The following C22orf23 variants were observed in gnomAD, a reference collection of about 807,000 sequenced individuals.
The protein encoded by C22orf23 is chromosome 22 open reading frame 23.
C22orf23 carries 30 observed loss-of-function variants against 29.7 expected under a neutral mutation model. The observed-to-expected ratio is 1.01, with a 90% CI of 0.76 to 1.37. The LOEUF is 1.37. Ranked by LOEUF, C22orf23 falls within the 40% of genes most tolerant of loss-of-function variation. The pLI, the probability that C22orf23 is intolerant of heterozygous loss-of-function variation, is 0.00. For missense variants in C22orf23, 237 were observed against 273.1 expected, an observed-to-expected ratio of 0.87 and a Z score of 0.93; for synonymous variants, 90 against 96.1, an observed-to-expected ratio of 0.94 and a Z score of 0.37.
intron 3 of C22orf23, among the ~76,000 whole-genome samples, chr22:37,949,057 C>A (rs371623916): frequency 6.6e-6 from 1 of 151,858 alleles, no homozygotes; most frequent in Non-Finnish European, 1.5e-5. Flanking sequence ...ATCTTTGTAC[C>A]GATGCTTTAA....
At position 37,953,189 on chromosome 22, in the gene C22orf23, CCT is replaced by C. The variant is rs780673950; in HGVS notation, c.-9-33_-9-32del. 2.4e-4 allele frequency: 348 copies of C among 1,436,032 alleles called. 1 individual carries two copies. The highest frequency in any genetic ancestry group is 8.8e-4 in the Middle Eastern group (5 of 5,672). The allele number at this position is 1,436,032 out of a possible 1,614,324, so 89.0% of individuals were successfully genotyped here. A position where few individuals can be genotyped will look rare whatever the true frequency, so the allele number is the denominator to read the frequency against. On this transcript the variant is annotated intron_variant, in intron 1 of 6. Transcript: ENST00000403305. ...GAGGGAAAGACGCAATGACACACCC[CCT>C]GTCTCCTGTCCCTAATCTCTGTTCC...
intron 2 of C22orf23, 25 bp downstream of exon 2, chr22:37,953,022 G>T: frequency 6.4e-7 from 1 of 1,571,116 alleles, no homozygotes; most frequent in Non-Finnish European, 8.7e-7. Context: ...CAAAAAGGCT[G>T]GGATCGCTGC....
chr22:37,944,730 G>A, intron 5 of C22orf23: 1 of 564,270 alleles, frequency 1.8e-6, no homozygotes, highest in Non-Finnish European at 3.1e-6. Context: ...GAAACCCCGT[G>A]TCTACTAAAA....
chr22:37,949,838 C>T (rs921673583), intron 3 of C22orf23, among the ~76,000 whole-genome samples: 25 of 151,974 alleles, frequency 1.6e-4, no homozygotes, highest in Non-Finnish European at 3.1e-4. Context: ...CAGGAGCGAG[C>T]GGTCAGAAGT....
In C22orf23 at chr22:37,953,464, G is replaced by A; in HGVS notation, c.-26C>T. 3.7e-6 allele frequency: 2 copies of A among 544,220 alleles called. No individual in the cohort carries two copies. The highest frequency in any genetic ancestry group is 6.5e-6 in the Non-Finnish European group (2 of 308,398). 33.7% of individuals were successfully genotyped at this position (544,220 alleles called of 1,614,324 possible). On this transcript the variant is annotated 5_prime_UTR_variant, in exon 1 of 7. Coordinates refer to ENST00000403305, the MANE Select transcript of C22orf23 (RefSeq NM_032561.5). ...AAATTTCACCCTAAGACCCTCTCTG[G>A]GTGCTCCCCTCTCCACATAGAAGTG...
At chr22:37,951,185 C>G in intron 3 of C22orf23, 1 of 277,210 alleles carries the variant, frequency 3.6e-6, no homozygotes. Flanking sequence ...GCACTCCAGC[C>G]TGGGCGACAG....
intron 4 of C22orf23, among the ~76,000 whole-genome samples, chr22:37,945,522 T>C (rs1256876991): frequency 6.8e-6 from 1 of 146,230 alleles, no homozygotes; most frequent in Non-Finnish European, 1.5e-5. Flanking sequence ...TGAGACAAGG[T>C]CTGACTCTGT....
rs368212266 is a variant in C22orf23, at chr22:37,947,472, C to A, written c.167-9G>T. ...GGGCAAAGCATCTCCTCCTGGGGAA[C>A]GAAGAGTTGGGGTGGGAGGACCCAC... On this transcript the variant is annotated splice_polypyrimidine_tract_variant and intron_variant, in intron 3 of 6. Transcript: ENST00000403305. The A allele has an allele frequency of 2.5e-5, 34 of 1,354,600 alleles. No individual in the cohort carries two copies. The highest frequency in any genetic ancestry group is 3.0e-5 in the Non-Finnish European group (31 of 1,023,622). 83.9% of individuals were successfully genotyped at this position (1,354,600 alleles called of 1,614,324 possible). A position where few individuals can be genotyped will look rare whatever the true frequency, so the allele number is the denominator to read the frequency against.
chr22:37,945,938 C>A (rs1182917185), intron 4 of C22orf23, among the ~76,000 whole-genome samples: 1 of 151,476 alleles, frequency 6.6e-6, no homozygotes, highest in African/African-American at 2.4e-5. Context: ...ATGGTGAAAC[C>A]CCATCTCTAC....
chr22:37,953,637 T>C, upstream of C22orf23: 2 of 926,684 alleles, frequency 2.2e-6, no homozygotes, highest in Non-Finnish European at 3.2e-6. Flanking sequence ...CATGCGCACT[T>C]TCCCCGCTCT....
Position 37,944,565 on chromosome 22 carries a change from CG to C in C22orf23, c.482-49del. ...AGGTTCCCATGAGGGATGCAGGCAG[CG>C]GGTTGCCTCTCTTGAGGAGAGGAAG... On this transcript the variant is annotated intron_variant, in intron 5 of 6. Transcript: ENST00000403305. 2.0e-6 allele frequency: 3 copies of C among 1,523,258 alleles called. No homozygotes were observed. The South Asian group carries it at 3.4e-5, about 17-fold the overall frequency. The allele number at this position is 1,523,258 out of a possible 1,614,324, so 94.4% of individuals were successfully genotyped here. A position where few individuals can be genotyped will look rare whatever the true frequency, so the allele number is the denominator to read the frequency against.
intron 3 of C22orf23, among the ~76,000 whole-genome samples, chr22:37,950,304 G>A (rs373172295): frequency 9.3e-5 from 14 of 150,304 alleles, no homozygotes; most frequent in African/African-American, 3.4e-4. Flanking sequence ...TAGAGACAGG[G>A]TTTTACCATG....
In C22orf23 at chr22:37,953,063, G is replaced by T; in HGVS notation, c.87C>A (p.Thr29=). ...RPKTITYTPG[T]CELLRVMMKE... ...CGGACTGACCTCTGAGCAGCTCGCA[G>T]GTCCCCGGGGTGTAAGTGATGGTCT... Residue 29 remains threonine, a synonymous_variant, in exon 2 of 7, where the codon ACC becomes ACA. Coordinates refer to ENST00000403305, the MANE Select transcript of C22orf23 (RefSeq NM_032561.5). 1 of 1,613,736 alleles carries T rather than the reference G, an allele frequency of 6.2e-7. No individual in the cohort carries two copies. Among genetic ancestry groups the T allele is most frequent in the Non-Finnish European group, 8.5e-7 (1 of 1,179,796 alleles).
chr22:37,946,207 C>T (rs1217613160), intron 4 of C22orf23, among the ~76,000 whole-genome samples: 10 of 150,966 alleles, frequency 6.6e-5, no homozygotes, highest in Non-Finnish European at 2.9e-5. Context: ...TGCAGTGAGC[C>T]GAGATGGTGC....
chr22:37,951,618 A>G (rs1931015284), intron 2 of C22orf23, 96 bp from the exon 3 acceptor site: 1 of 1,019,698 alleles, frequency 9.8e-7, no homozygotes, highest in African/African-American at 1.6e-5. Flanking sequence ...TCCTAGCCCC[A>G]TTCTGCACTG....
At chr22:37,953,313 G>A (rs2145720880) in intron 1 of C22orf23, 135 bp downstream of exon 1, 2 of 607,742 alleles carry the variant, frequency 3.3e-6, no homozygotes, top group South Asian at 3.9e-5. Context: ...CTCCCATCCA[G>A]ACACACAGAT....
chr22:37,949,751 A>T (rs1223193867), intron 3 of C22orf23, among the ~76,000 whole-genome samples: 9 of 151,760 alleles, frequency 5.9e-5, no homozygotes, highest in African/African-American at 1.9e-4. Flanking sequence ...GAGCCACCGC[A>T]CCTGGCTCAT....
chr22:37,944,650 C>G (rs902472777), intron 5 of C22orf23, 133 bp from the exon 6 acceptor site: 23 of 753,674 alleles, frequency 3.1e-5, no homozygotes, highest in Admixed American at 1.3e-4. Flanking sequence ...CCTATAATCC[C>G]AGCACTTTGG....
chr22:37,945,249 C>T (rs1930628960), intron 4 of C22orf23, 76 bp from the exon 5 acceptor site: 9 of 1,540,580 alleles, frequency 5.8e-6, no homozygotes, highest in South Asian at 2.6e-5. Context: ...CCCAAGTGCA[C>T]GTGCTTGCTG....
Sources: gnomAD v4.1 joint callset for allele counts (sites outside exome capture counted in the v4.1 genomes callset) on GRCh38, gnomAD v4.1.1 for gene constraint, MANE v1.5 for transcripts, NCBI Gene and HGNC (gene_info 2026-07-23, HGNC 2026-07-21) for gene names.